The following PDCD10 variants were observed in gnomAD, a reference collection of about 807,000 sequenced individuals.
PDCD10 encodes programmed cell death 10.
A neutral mutation model predicts 29.2 loss-of-function variants in PDCD10; 4 were observed. The observed-to-expected ratio is 0.14, with a 90% CI of 0.07 to 0.31. The LOEUF (loss-of-function observed/expected upper bound fraction) is 0.31. PDCD10 is among the 10% of genes least tolerant of loss of function. The pLI, the probability that PDCD10 is intolerant of heterozygous loss-of-function variation, is 1.00. For synonymous variants in PDCD10, 70 were observed against 82.2 expected, an observed-to-expected ratio of 0.85 and a Z score of 0.80; for missense variants, 183 against 257.9, an observed-to-expected ratio of 0.71 and a Z score of 1.99.
chr3:167,704,123 T>C (rs753156060), intron 4 of PDCD10, among the ~76,000 whole-genome samples: 2 of 152,240 alleles, frequency 1.3e-5, no homozygotes, highest in Non-Finnish European at 2.9e-5. Context: ...ATTCACCATA[T>C]TTGAAGGTAT....
intron 3 of PDCD10, among the ~76,000 whole-genome samples, chr3:167,718,150 C>T (rs1227953423): frequency 6.6e-6 from 1 of 152,052 alleles, no homozygotes; most frequent in Non-Finnish European, 1.5e-5. Flanking sequence ...ATAGGTTACT[C>T]ACTAGCTTAT....
At chr3:167,715,391 C>A (rs1457431011) in intron 3 of PDCD10, among the ~76,000 whole-genome samples, 1 of 151,848 alleles carries the variant, frequency 6.6e-6, no homozygotes, top group Non-Finnish European at 1.5e-5. Flanking sequence ...CATGCACAGG[C>A]AACCAAAGGA....
At chr3:167,721,371 A>G (rs1215851003) in intron 2 of PDCD10, among the ~76,000 whole-genome samples, 2 of 152,174 alleles carry the variant, frequency 1.3e-5, no homozygotes, top group East Asian at 3.8e-4. Flanking sequence ...ATACTCTCAC[A>G]TAACAAAACC....
Position 167,684,386 on chromosome 3 carries a change from T to C in PDCD10, c.561A>G (p.Ala187=). The C allele has an allele frequency of 6.3e-7, 1 of 1,585,226 alleles. No individual in the cohort carries two copies. The highest frequency in any genetic ancestry group is 8.7e-7 in the Non-Finnish European group (1 of 1,154,172). The change falls in exon 9 of 9, where the codon GCA becomes GCG. Residue 187 remains alanine, a synonymous_variant. Transcript: ENST00000392750. ...TLKTYFKDGK[A]INVFVSANRL... is the part of the protein sequence containing the mutation. ...GGTTGGCACTTACGAACACATTTAT[T>C]GCCCTGTTTAAAAAGAAAAGAATAA...
chr3:167,714,766 T>TA lies in PDCD10; in HGVS notation c.96+5295dup, dbSNP rs890418416. ...TAAAAGACCTTTACAATGAAAACTA[T>TA]AAAACACTGACGAAGGCAATTGGAC... is the stretch of plus-strand genomic sequence containing the variant. On this transcript the variant is annotated intron_variant, in intron 3 of 8. Coordinates refer to ENST00000392750, the MANE Select transcript of PDCD10 (RefSeq NM_007217.4). Among the ~76,000 whole-genome samples, 27 of 151,662 alleles carry TA rather than the reference T, an allele frequency of 1.8e-4. No individual in the cohort carries two copies. Among genetic ancestry groups the TA allele is most frequent in the Non-Finnish European group, 1.8e-4 (12 of 67,740 alleles).
intron 8 of PDCD10, 93 bp from the exon 9 acceptor site, chr3:167,684,482 T>TAA: frequency 2.9e-6 from 2 of 698,256 alleles, no homozygotes; most frequent in Admixed American, 2.3e-5. Flanking sequence ...GAATCAATTT[T>TAA]AGAAAAAAAA....
At chr3:167,715,324 A>G (rs1722899854) in intron 3 of PDCD10, among the ~76,000 whole-genome samples, 1 of 151,954 alleles carries the variant, frequency 6.6e-6, no homozygotes, top group African/African-American at 2.4e-5. Context: ...ACAGGAAAAC[A>G]TCCACAAAAC....
intron 3 of PDCD10, among the ~76,000 whole-genome samples, chr3:167,708,957 A>C (rs528839737): frequency 1.3e-5 from 2 of 152,346 alleles, no homozygotes; most frequent in East Asian, 3.9e-4. Flanking sequence ...ACCACTGTTT[A>C]TCCCCATTTT....
At chr3:167,690,725 T>C (rs890149990) in intron 6 of PDCD10, among the ~76,000 whole-genome samples, 1 of 152,226 alleles carries the variant, frequency 6.6e-6, no homozygotes, top group Non-Finnish European at 1.5e-5. Context: ...CATTTCACAA[T>C]GTTATTATAG....
intron 3 of PDCD10, among the ~76,000 whole-genome samples, chr3:167,708,753 C>CA (rs1293576078): frequency 2.6e-5 from 4 of 151,924 alleles, no homozygotes; most frequent in Non-Finnish European, 5.9e-5. Flanking sequence ...AGCTGTCTGG[C>CA]AAAAAAGGTA....
chr3:167,693,230 T>C (rs1015762824), intron 6 of PDCD10, among the ~76,000 whole-genome samples: 4 of 152,240 alleles, frequency 2.6e-5, no homozygotes, highest in Non-Finnish European at 4.4e-5. Context: ...GTTTTCTTTT[T>C]CTTTCATAAT....
Position 167,687,462 on chromosome 3 carries a change from T to C in PDCD10, c.475-146A>G, listed in dbSNP as rs573388501. 219 of 733,514 alleles carry C rather than the reference T, an allele frequency of 3.0e-4. No individual in the cohort carries two copies. The Middle Eastern group carries it at 3.3e-3, about 11-fold the overall frequency. The allele number at this position is 733,514 out of a possible 1,614,324, so 45.4% of individuals were successfully genotyped here. A position where few individuals can be genotyped will look rare whatever the true frequency, so the allele number is the denominator to read the frequency against. On this transcript the variant is annotated intron_variant, in intron 7 of 8. Coordinates refer to ENST00000392750, the MANE Select transcript of PDCD10 (RefSeq NM_007217.4). ...TAAGCAATTGTGGAGTACTCACTTTTAAATAAAAAGGCATATTTAAATTCA... is the reference window on the plus strand; with the variant it reads ...TAAGCAATTGTGGAGTACTCACTTTCAAATAAAAAGGCATATTTAAATTCA...
At chr3:167,724,985 G>A (rs1244423299) in intron 2 of PDCD10, among the ~76,000 whole-genome samples, 5 of 152,066 alleles carry the variant, frequency 3.3e-5, no homozygotes, top group African/African-American at 9.7e-5. Context: ...AGCTGGGCAC[G>A]GTGGCTCATG....
At chr3:167,728,731 A>T (rs1022641948) in intron 2 of PDCD10, among the ~76,000 whole-genome samples, 2 of 152,236 alleles carry the variant, frequency 1.3e-5, no homozygotes, top group African/African-American at 4.8e-5. Flanking sequence ...CCTAGTATCC[A>T]ACACAGTATT....
chr3:167,721,038 A>G (rs894424825), intron 2 of PDCD10, among the ~76,000 whole-genome samples: 6 of 152,280 alleles, frequency 3.9e-5, no homozygotes, highest in Admixed American at 2.6e-4. Flanking sequence ...TGTTAAGGAA[A>G]TATGTTAGTT....
At chr3:167,689,649 T>C (rs1234739184) in intron 6 of PDCD10, among the ~76,000 whole-genome samples, 1 of 151,872 alleles carries the variant, frequency 6.6e-6, no homozygotes, top group African/African-American at 2.4e-5. Flanking sequence ...TGATAAATAC[T>C]GGAAATCTCT....
At chr3:167,718,682 C>T (rs1486527977) in intron 3 of PDCD10, among the ~76,000 whole-genome samples, 3 of 151,508 alleles carry the variant, frequency 2.0e-5, no homozygotes. Flanking sequence ...GGACCCCACT[C>T]TCTGCCCCAC....
chr3:167,684,388 C>G lies in PDCD10; in HGVS notation c.559G>C (p.Ala187Pro). Residue 187 changes from alanine (A) to proline (P), a missense_variant and splice_region_variant, in exon 9 of 9, where the codon GCA (alanine) becomes CCA (proline). Transcript: ENST00000392750. ...TTGGCACTTACGAACACATTTATTGCCCTGTTTAAAAAGAAAAGAATAAGC... is the reference window on the plus strand; with the variant it reads ...TTGGCACTTACGAACACATTTATTGGCCTGTTTAAAAAGAAAAGAATAAGC... ...TLKTYFKDGKAINVFVSANRL... is the reference protein window; with the variant it reads ...TLKTYFKDGKPINVFVSANRL... 1.9e-6 allele frequency: 3 copies of G among 1,581,558 alleles called. No homozygotes were observed. The highest frequency in any genetic ancestry group is 2.6e-6 in the Non-Finnish European group (3 of 1,151,254).
intron 5 of PDCD10, 133 bp downstream of exon 5, chr3:167,696,876 C>T: frequency 2.8e-6 from 2 of 724,084 alleles, no homozygotes; most frequent in South Asian, 1.4e-5. Context: ...ACCACCACCA[C>T]CATCATCATC....
Sources: gnomAD v4.1 joint callset for allele counts (sites outside exome capture counted in the v4.1 genomes callset) on GRCh38, gnomAD v4.1.1 for gene constraint, MANE v1.5 for transcripts, NCBI Gene and HGNC (gene_info 2026-07-23, HGNC 2026-07-21) for gene names.